SYNE3: variants seen among roughly 807,000 people sequenced by gnomAD.
SYNE3 encodes nesprin-3.
SYNE3 carries 100 observed loss-of-function variants against 111.2 expected under a neutral mutation model. The observed-to-expected ratio is 0.90, with a 90% CI of 0.77 to 1.06. The LOEUF (loss-of-function observed/expected upper bound fraction) is 1.06, where lower values mean the gene tolerates loss of function less well. Among genes scored for constraint, SYNE3 ranks in the 50% least tolerant of loss-of-function variants. The pLI, the probability that SYNE3 is intolerant of heterozygous loss-of-function variation, is 0.00. For missense variants in SYNE3, 1,160 were observed against 1,240.3 expected (o/e 0.94, Z 0.97); for synonymous variants, 547 against 533.9 (o/e 1.02, Z -0.34).
Position 95,485,270 on chromosome 14 carries a change from G to A in SYNE3, c.-14-9435C>T, listed in dbSNP as rs1174311077. Among the ~76,000 whole-genome samples, 1 of 152,150 alleles carries A rather than the reference G, an allele frequency of 6.6e-6. No homozygotes were observed. Among genetic ancestry groups the A allele is most frequent in the East Asian group, 1.9e-4 (1 of 5,196 alleles). ...TGCCCTTCTTGCCTCAACTGCATCA[G>A]TCACTTCTGTTTCTGAAGAGCAGAG... is the stretch of plus-strand genomic sequence containing the variant. On this transcript the variant is annotated intron_variant, in intron 1 of 17. Transcript: ENST00000682763. This position sits in a 1 kb window ranked among gnomAD's most constrained non-coding sequence, Gnocchi z 4.3.
rs931755693 is a variant in SYNE3, at chr14:95,439,943, C to T, written c.2044G>A (p.Asp682Asn). Residue 682 changes from aspartate to asparagine, a missense_variant, in exon 12 of 18, where the codon GAT becomes AAT. Coordinates refer to ENST00000682763, the MANE Select transcript of SYNE3 (RefSeq NM_152592.6). ...EAHRGEAGPG[D>N]AESQEAEFER... The stretch of plus-strand genomic sequence containing the variant: ...AACTCGGCCTCTTGGGACTCGGCAT[C>T]CCCCGGGCCCGCCTCTCCCCGGTGT... The T allele has an allele frequency of 1.2e-6, 2 of 1,613,422 alleles. No homozygotes were observed. Among genetic ancestry groups the T allele is most frequent in the Non-Finnish European group, 1.7e-6 (2 of 1,179,674 alleles).
Position 95,470,098 on chromosome 14 carries a change from G to C in SYNE3, c.145-2131C>G, listed in dbSNP as rs529218210. Among the ~76,000 whole-genome samples, 3 of 152,178 alleles carry C rather than the reference G, an allele frequency of 2.0e-5. No homozygotes were observed. Among genetic ancestry groups the C allele is most frequent in the South Asian group, 2.1e-4 (1 of 4,816 alleles). ...GCAGGATGTGGCAGGGGCCCAGGGG[G>C]TGGTGGCCACAGCAAGTACCCACAC... On this transcript the variant is annotated intron_variant, in intron 2 of 17. Transcript: ENST00000682763. The surrounding 1 kb of genome is among the most constrained non-coding windows in gnomAD (Gnocchi z 4.2).
chr14:95,419,890 A>T (rs61981400), intron 17 of SYNE3, among the ~76,000 whole-genome samples: 328 of 28,042 alleles, frequency 0.012, 1 homozygote, highest in Admixed American at 0.015. Context: ...TGATGATGAT[A>T]GTGATGGTGG....
At chr14:95,447,226 T>G (rs1158063526) in intron 8 of SYNE3, among the ~76,000 whole-genome samples, 1 of 150,608 alleles carries the variant, frequency 6.6e-6, no homozygotes, top group Non-Finnish European at 1.5e-5. Context: ...CTTCACCTCC[T>G]GGGTTCACGC....
At chr14:95,461,690 G>T (rs899402690) in intron 4 of SYNE3, among the ~76,000 whole-genome samples, 10 of 152,242 alleles carry the variant, frequency 6.6e-5, no homozygotes, top group African/African-American at 2.4e-4. Context: ...GCACTAACCT[G>T]AACCTAGAGA....
intron 4 of SYNE3, among the ~76,000 whole-genome samples, chr14:95,459,254 A>AT (rs1887644664): frequency 6.6e-6 from 1 of 152,148 alleles, no homozygotes; most frequent in Admixed American, 6.5e-5. Flanking sequence ...TTGGCTTTTC[A>AT]TTTTTTCCCA....
chr14:95,428,942 A>AT (rs5810725), intron 17 of SYNE3, among the ~76,000 whole-genome samples: 5,721 of 152,260 alleles, frequency 0.038, 337 homozygotes, highest in African/African-American at 0.13. Flanking sequence ...TGGGATAAGT[A>AT]TTTTTCCCCC....
At chr14:95,457,053 C>A (rs1204489224) in intron 5 of SYNE3, 124 bp downstream of exon 5, 8 of 1,356,432 alleles carry the variant, frequency 5.9e-6, no homozygotes, top group Non-Finnish European at 7.9e-6. Flanking sequence ...CCACTGCACT[C>A]CAGCCTGAGC....
At chr14:95,469,707 T>C (rs936847219) in intron 2 of SYNE3, among the ~76,000 whole-genome samples, 1 of 151,746 alleles carries the variant, frequency 6.6e-6, no homozygotes, top group Non-Finnish European at 1.5e-5. Context: ...CGAGACCATG[T>C]CTCAAAAAAT....
intron 1 of SYNE3, among the ~76,000 whole-genome samples, chr14:95,510,565 G>A (rs1890686471): frequency 6.6e-6 from 1 of 152,194 alleles, no homozygotes; most frequent in South Asian, 2.1e-4. Flanking sequence ...GAGGCCGGTG[G>A]ATCGCCTGAG....
At chr14:95,427,378 T>C (rs1885493998) in intron 17 of SYNE3, among the ~76,000 whole-genome samples, 1 of 152,032 alleles carries the variant, frequency 6.6e-6, no homozygotes, top group Non-Finnish European at 1.5e-5. Context: ...GGGCCTGACA[T>C]CAGTCAGGCC....
At chr14:95,489,236 T>A (rs191362830) in intron 1 of SYNE3, among the ~76,000 whole-genome samples, 1 of 152,312 alleles carries the variant, frequency 6.6e-6, no homozygotes, top group East Asian at 1.9e-4. Flanking sequence ...TGCATGGGGC[T>A]TTCTGAGCTC....
intron 1 of SYNE3, among the ~76,000 whole-genome samples, chr14:95,515,367 G>A (rs117351108): frequency 0.013 from 2,053 of 152,306 alleles, 34 homozygotes; most frequent in Non-Finnish European, 0.023. Context: ...GCACTGATAT[G>A]CCCCTCCCAC....
At chr14:95,462,366 G>A (rs1278743368) in intron 4 of SYNE3, among the ~76,000 whole-genome samples, 1 of 152,200 alleles carries the variant, frequency 6.6e-6, no homozygotes, top group Non-Finnish European at 1.5e-5. Flanking sequence ...TTCATGAGGG[G>A]CCATGGCCTT....
At chr14:95,478,084 G>A (rs1888997804) in intron 1 of SYNE3, among the ~76,000 whole-genome samples, 2 of 152,142 alleles carry the variant, frequency 1.3e-5, no homozygotes, top group South Asian at 4.1e-4. Flanking sequence ...GGAGGGTATA[G>A]CAGATGAAAC....
In SYNE3 at chr14:95,450,056, A is replaced by G. The variant is rs768213789; in HGVS notation, c.1324T>C (p.Trp442Arg). 1.3e-6 allele frequency: 2 copies of G among 1,568,730 alleles called. No individual in the cohort carries two copies. The highest frequency in any genetic ancestry group is 1.7e-6 in the Non-Finnish European group (2 of 1,156,812). ...TGCAGAGGCCGCTGGAAATGCTGCCACAGCTCCACCGCCGCGGCATTGCGC... is the reference window on the plus strand; with the variant it reads ...TGCAGAGGCCGCTGGAAATGCTGCCGCAGCTCCACCGCCGCGGCATTGCGC... The part of the protein sequence containing the change: ...RLRNAAAVEL[W>R]QHFQRPLQDL... Residue 442 changes from tryptophan to arginine, a missense_variant, in exon 8 of 18, where the codon TGG becomes CGG. Trp to Arg is a moderately radical substitution (Grantham distance 101). Transcript: ENST00000682763.
chr14:95,449,674 C>T, intron 8 of SYNE3: 1 of 985,306 alleles, frequency 1.0e-6, no homozygotes, highest in Non-Finnish European at 1.2e-6. Context: ...AATGCCTCCA[C>T]CTGGGAGATG....
At chr14:95,434,262 G>A (rs1885960251) in intron 15 of SYNE3, among the ~76,000 whole-genome samples, 1 of 152,144 alleles carries the variant, frequency 6.6e-6, no homozygotes, top group Non-Finnish European at 1.5e-5. Flanking sequence ...CCACAACTTG[G>A]GAAAGAATGA....
At chr14:95,467,768 T>C (rs1377729958) in intron 3 of SYNE3, 27 bp downstream of exon 3, 1 of 1,613,346 alleles carries the variant, frequency 6.2e-7, no homozygotes, top group Non-Finnish European at 8.5e-7. Flanking sequence ...AAATGGCAGC[T>C]GTGGACAAAG....
Sources: allele counts gnomAD v4.1 joint callset (sites outside exome capture counted in the v4.1 genomes callset), GRCh38; gene constraint gnomAD v4.1.1; non-coding constraint Gnocchi (gnomAD v3.1); transcripts MANE v1.5; gene names NCBI Gene and HGNC (gene_info 2026-07-23, HGNC 2026-07-21).